TUBGCP3: variants seen among roughly 807,000 people sequenced by gnomAD.
TUBGCP3 encodes gamma-tubulin complex component 3.
TUBGCP3 carries 50 observed loss-of-function variants against 123.1 expected under a neutral mutation model. That is an observed-to-expected ratio of 0.41 (90% CI 0.32 to 0.51). The LOEUF (loss-of-function observed/expected upper bound fraction) is 0.51, where lower values mean the gene tolerates loss of function less well. Ranked by LOEUF, TUBGCP3 falls within the 20% of genes least tolerant of loss-of-function variation. The pLI, the probability that TUBGCP3 is intolerant of heterozygous loss-of-function variation, is 0.36. For missense variants in TUBGCP3, 882 were observed against 1,127.0 expected (o/e 0.78, Z 3.11); for synonymous variants, 405 against 413.9 (o/e 0.98, Z 0.26).
chr13:112,532,863 G>A (rs1877699024), intron 11 of TUBGCP3, among the ~76,000 whole-genome samples: 2 of 152,194 alleles, frequency 1.3e-5, no homozygotes, highest in African/African-American at 4.8e-5. Flanking sequence ...ACCATTCTTA[G>A]CACTAGTGGG....
intron 3 of TUBGCP3, among the ~76,000 whole-genome samples, chr13:112,564,414 A>G (rs1265862696): frequency 2.0e-5 from 3 of 152,246 alleles, no homozygotes; most frequent in African/African-American, 7.2e-5. Context: ...TCTTCTCCAT[A>G]AAAGGAAAGA....
At chr13:112,501,177 T>C (rs1880880644) in intron 19 of TUBGCP3, among the ~76,000 whole-genome samples, 3 of 152,262 alleles carry the variant, frequency 2.0e-5, no homozygotes, top group Admixed American at 2.0e-4. Flanking sequence ...GGCAAACACA[T>C]CTTCCATCTT....
At chr13:112,553,310 C>A (rs1594189489) in intron 8 of TUBGCP3, among the ~76,000 whole-genome samples, 2 of 152,358 alleles carry the variant, frequency 1.3e-5, no homozygotes, top group Non-Finnish European at 2.9e-5. Flanking sequence ...ACCCTCCTAC[C>A]CACCAGCTAC....
chr13:112,485,311 G>A lies in TUBGCP3; in HGVS notation c.*682C>T, dbSNP rs1214626024. ...GCATTCGCGGTATTTGGGTTGCACT[G>A]TATAAGAGTATTTTTGTTCTCTATC... On this transcript the variant is annotated 3_prime_UTR_variant, in exon 22 of 22. Coordinates refer to ENST00000261965, the MANE Select transcript of TUBGCP3 (RefSeq NM_006322.6). 1 of 152,500 alleles carries A rather than the reference G, an allele frequency of 6.6e-6. No individual in the cohort carries two copies. Among genetic ancestry groups the A allele is most frequent in the African/African-American group, 2.4e-5 (1 of 41,376 alleles). 9.4% of individuals were successfully genotyped at this position (152,500 alleles called of 1,614,324 possible).
chr13:112,544,249 C>G (rs9604353), intron 11 of TUBGCP3, among the ~76,000 whole-genome samples: 26,434 of 151,896 alleles, frequency 0.17, 3,178 homozygotes, highest in African/African-American at 0.34. Context: ...GTCAGGAGAT[C>G]GAGACCATCC....
chr13:112,578,232 G>C (rs1263938304), intron 1 of TUBGCP3, among the ~76,000 whole-genome samples: 1 of 146,336 alleles, frequency 6.8e-6, no homozygotes, highest in Admixed American at 6.8e-5. Flanking sequence ...CTTGCTCCTT[G>C]CTCTCCCAGG....
chr13:112,520,535 A>AG (rs1337021239), intron 14 of TUBGCP3, among the ~76,000 whole-genome samples: 6 of 152,180 alleles, frequency 3.9e-5, no homozygotes, highest in African/African-American at 1.4e-4. Flanking sequence ...ATCTCAAAAA[A>AG]AAGAAAAAAA....
At position 112,545,683 on chromosome 13, in the gene TUBGCP3, G is replaced by A. The variant is rs151110443; in HGVS notation, c.1335+16C>T. The A allele has an allele frequency of 2.2e-4, 352 of 1,606,858 alleles. No homozygotes were observed. The highest frequency in any genetic ancestry group is 5.0e-4 in the Middle Eastern group (3 of 6,040). ...CTTTTTAAATCCAAGTCTCAGAACC[G>A]AACACCGATCCTTACTTCGTGGTAA... On this transcript the variant is annotated intron_variant, in intron 11 of 21. Coordinates refer to ENST00000261965, the MANE Select transcript of TUBGCP3 (RefSeq NM_006322.6). The surrounding 1 kb of genome is among the most constrained non-coding windows in gnomAD (Gnocchi z 4.1).
chr13:112,556,425 G>A (rs118049933), intron 5 of TUBGCP3, among the ~76,000 whole-genome samples: 1,731 of 152,140 alleles, frequency 0.011, 25 homozygotes, highest in East Asian at 0.058. Flanking sequence ...GCCTCCTTGC[G>A]ACCCTTGGCC....
the TUBGCP3 span, among the ~76,000 whole-genome samples, chr13:112,595,750 T>G: frequency 2.0e-5 from 3 of 152,186 alleles, no homozygotes; most frequent in Admixed American, 1.3e-4. Context: ...TTTTTAATGC[T>G]GCCTTCTAAT....
intron 3 of TUBGCP3, among the ~76,000 whole-genome samples, chr13:112,564,606 A>C (rs1341832767): frequency 6.6e-6 from 1 of 152,226 alleles, no homozygotes; most frequent in Admixed American, 6.5e-5. Flanking sequence ...GCTTGAGCCC[A>C]GGAGTTTGAG....
At position 112,492,521 on chromosome 13, in the gene TUBGCP3, C is replaced by T. The variant is rs548595550; in HGVS notation, c.2449-2824G>A. On this transcript the variant is annotated intron_variant, in intron 20 of 21. Coordinates refer to ENST00000261965, the MANE Select transcript of TUBGCP3 (RefSeq NM_006322.6). The stretch of plus-strand genomic sequence containing the variant: ...CACCCAGATGTTCCTGTGGCCCCTT[C>T]CAATGACCACCTCTCCCCCCAGAGG... Among the ~76,000 whole-genome samples the T allele has an allele frequency of 3.3e-5, 5 of 152,378 alleles. No individual in the cohort carries two copies. The East Asian group carries it at 5.8e-4, about 18-fold the overall frequency.
chr13:112,540,149 A>G (rs57417382), intron 11 of TUBGCP3, among the ~76,000 whole-genome samples: 75 of 129,936 alleles, frequency 5.8e-4, no homozygotes, highest in African/African-American at 1.7e-3. Flanking sequence ...GGATGTCAAT[A>G]TAGTAGCCTA....
intron 20 of TUBGCP3, chr13:112,498,823 T>C: frequency 6.4e-7 from 1 of 1,569,790 alleles, no homozygotes; most frequent in South Asian, 1.2e-5. Context: ...TGAATGCTGC[T>C]GTTTTTATTT....
the TUBGCP3 span, among the ~76,000 whole-genome samples, chr13:112,597,318 T>C: frequency 6.6e-6 from 1 of 152,202 alleles, no homozygotes; most frequent in Non-Finnish European, 1.5e-5. Context: ...ATGATTGGAT[T>C]AAGATGGTGT....
intron 21 of TUBGCP3, among the ~76,000 whole-genome samples, chr13:112,488,115 G>A (rs1035563171): frequency 1.4e-5 from 2 of 140,724 alleles, no homozygotes; most frequent in Admixed American, 1.5e-4. Context: ...CTGGGTGACA[G>A]AGCAAGACTT....
rs769980027 is a variant in TUBGCP3 at position 112,545,828 on chromosome 13, G to A, written c.1206C>T (p.Ala402=). 6.2e-7 allele frequency: 1 copy of A among 1,614,062 alleles called. No individual in the cohort carries two copies. The highest frequency in any genetic ancestry group is 8.5e-7 in the Non-Finnish European group (1 of 1,179,954). ...TGTACGGGTCTCCTGTTTTTGTGTA[G>A]GCGTGGACAGCTGAGGCCAGCTCAC... is the stretch of plus-strand genomic sequence containing the variant. ...KGGELASAVH[A]YTKTGDPYMR... The change falls in exon 11 of 22, where the codon GCC becomes GCT. Residue 402 remains alanine (A), a synonymous_variant. Transcript: ENST00000261965. This position sits in a 1 kb window ranked among gnomAD's most constrained non-coding sequence, Gnocchi z 4.1.
At chr13:112,570,354 T>C (rs997437707) in intron 1 of TUBGCP3, among the ~76,000 whole-genome samples, 22 of 152,080 alleles carry the variant, frequency 1.4e-4, no homozygotes, top group African/African-American at 4.6e-4. Flanking sequence ...ACCACAGAGA[T>C]AGTGCAGATC....
intron 17 of TUBGCP3, 129 bp from the exon 18 acceptor site, chr13:112,504,843 C>G: frequency 1.4e-6 from 1 of 730,072 alleles, no homozygotes. Flanking sequence ...GACCCCTTAA[C>G]AGGAAACAAC....
Sources: gnomAD v4.1 joint callset for allele counts (sites outside exome capture counted in the v4.1 genomes callset) on GRCh38, gnomAD v4.1.1 for gene constraint, Gnocchi (gnomAD v3.1) non-coding constraint, MANE v1.5 for transcripts, NCBI Gene and HGNC (gene_info 2026-07-23, HGNC 2026-07-21) for gene names.